IBTK: variants seen among roughly 807,000 people sequenced by gnomAD.
The protein encoded by IBTK is BTK-binding protein.
IBTK carries 83 observed loss-of-function variants against 154.9 expected under a neutral mutation model. The ratio of observed to expected loss-of-function variants is 0.54; its 90% CI spans 0.45 to 0.64. The LOEUF (loss-of-function observed/expected upper bound fraction) is 0.64. Ranked by LOEUF, IBTK falls within the 30% of genes least tolerant of loss-of-function variation. The pLI, the probability that IBTK is intolerant of heterozygous loss-of-function variation, is 0.00. For synonymous variants in IBTK, 515 were observed against 536.1 expected (o/e 0.96, Z 0.54); for missense variants, 1,332 against 1,584.6 (o/e 0.84, Z 2.71).
intron 1 of IBTK, among the ~76,000 whole-genome samples, chr6:82,241,560 C>T (rs1770953726): frequency 2.0e-5 from 3 of 152,084 alleles, no homozygotes; most frequent in Non-Finnish European, 4.4e-5. Flanking sequence ...AATATAAATT[C>T]TAGATGGTTC....
chr6:82,223,551 T>C lies in IBTK; in HGVS notation c.1013A>G (p.Lys338Arg), dbSNP rs141510269. ...APRQVSALHHKDIALSLVAAS... is the reference protein window; with the variant it reads ...APRQVSALHHRDIALSLVAAS... ...AGCAACCAAAGACAGAGCAATGTCT[T>C]TATGGTGAAGGGCAGAGACCTGACG... is the stretch of plus-strand genomic sequence containing the variant. Residue 338 changes from lysine (K) to arginine (R), a missense_variant, in exon 8 of 29, where the codon AAA becomes AGA. Physicochemically the swap from Lys to Arg is conservative, Grantham distance 26 (BLOSUM62 2). Transcript: ENST00000306270. 2.8e-4 allele frequency: 456 copies of C among 1,614,114 alleles called. 1 individual carries two copies. The African/African-American group carries it at 5.3e-3, about 19-fold the overall frequency.
chr6:82,247,734 G>A lies in IBTK; in HGVS notation c.-530C>T. 5.0e-6 allele frequency: 2 copies of A among 398,000 alleles called. No homozygotes were observed. The highest frequency in any genetic ancestry group is 8.9e-6 in the Non-Finnish European group (2 of 225,862). 24.7% of individuals were successfully genotyped at this position (398,000 alleles called of 1,614,324 possible). ...AATACAGCCGCTACTACAGGAATCG[G>A]GAACGGGGATGTAGAGGAAGGGCCC... On this transcript the variant is annotated 5_prime_UTR_variant, in exon 1 of 29. Coordinates refer to ENST00000306270, the MANE Select transcript of IBTK (RefSeq NM_015525.4).
intron 2 of IBTK, among the ~76,000 whole-genome samples, chr6:82,237,621 A>G (rs1770770237): frequency 6.7e-6 from 1 of 148,432 alleles, no homozygotes. Flanking sequence ...AGAAGATAGT[A>G]GTAGTAGTAG....
intron 2 of IBTK, among the ~76,000 whole-genome samples, chr6:82,237,045 C>T (rs6939874): frequency 0.24 from 35,779 of 151,934 alleles, 4,253 homozygotes; most frequent in African/African-American, 0.27. Context: ...GCCAAGGTGG[C>T]TAGAGTGACT....
intron 1 of IBTK, 77 bp downstream of exon 1, chr6:82,247,485 G>A (rs896686629): frequency 6.5e-5 from 26 of 398,126 alleles, no homozygotes; most frequent in Non-Finnish European, 6.2e-5. Context: ...CCCTCCAGAA[G>A]GCGAATACTC....
At chr6:82,186,864 T>A (rs1768575309) in intron 25 of IBTK, among the ~76,000 whole-genome samples, 1 of 151,096 alleles carries the variant, frequency 6.6e-6, no homozygotes, top group African/African-American at 2.4e-5. Context: ...CATGTTTTCA[T>A]AAAATAAATG....
intron 25 of IBTK, chr6:82,189,082 T>C (rs752635885): frequency 2.4e-6 from 1 of 424,930 alleles, no homozygotes; most frequent in East Asian, 7.5e-5. Context: ...GGGACCAATA[T>C]CTGACTAATG....
At chr6:82,181,803 G>A in intron 26 of IBTK, 76 bp downstream of exon 26, 4 of 1,047,526 alleles carry the variant, frequency 3.8e-6, no homozygotes, top group Non-Finnish European at 5.4e-6. Flanking sequence ...AAGTTTTAAG[G>A]ATTATTTCAG....
At chr6:82,238,149 C>A (rs1181773271) in intron 2 of IBTK, among the ~76,000 whole-genome samples, 1 of 151,850 alleles carries the variant, frequency 6.6e-6, no homozygotes, top group African/African-American at 2.4e-5. Flanking sequence ...AAGGCTGGGG[C>A]AGGAGAATCA....
chr6:82,223,564 C>T lies in IBTK; in HGVS notation c.1000G>A (p.Ala334Thr). The change falls in exon 8 of 29, where the codon GCC (alanine) becomes ACC (threonine). Residue 334 changes from alanine to threonine, a missense_variant. Around this residue, in one of 3 missense-constraint regions of IBTK, gnomAD observed 1,134 missense variants for 1,274.7 expected, o/e 0.89. Coordinates refer to ENST00000306270, the MANE Select transcript of IBTK (RefSeq NM_015525.4). ...AGAGCAATGTCTTTATGGTGAAGGG[C>T]AGAGACCTGACGAGGAGCAGTTACA... ...KCVTAPRQVS[A>T]LHHKDIALSL... The T allele has an allele frequency of 6.2e-7, 1 of 1,614,070 alleles. No homozygotes were observed.
chr6:82,219,070 C>T (rs1769975525), intron 9 of IBTK, among the ~76,000 whole-genome samples: 1 of 152,042 alleles, frequency 6.6e-6, no homozygotes, highest in South Asian at 2.1e-4. Flanking sequence ...TTTTATGTAA[C>T]CCCATTTGTT....
At chr6:82,174,539 C>A (rs1768041698) in intron 26 of IBTK, among the ~76,000 whole-genome samples, 1 of 152,098 alleles carries the variant, frequency 6.6e-6, no homozygotes, top group Non-Finnish European at 1.5e-5. Flanking sequence ...GCAGGCTGTT[C>A]TCTTCAATAA....
chr6:82,189,363 T>C (rs942439446), intron 25 of IBTK, among the ~76,000 whole-genome samples: 1 of 152,130 alleles, frequency 6.6e-6, no homozygotes, highest in Non-Finnish European at 1.5e-5. Context: ...TGGCATTGAA[T>C]AAATTCTCCA....
intron 23 of IBTK, among the ~76,000 whole-genome samples, chr6:82,193,235 A>G (rs193241004): frequency 5.9e-5 from 9 of 152,298 alleles, no homozygotes; most frequent in Non-Finnish European, 1.3e-4. Context: ...GTTTGTGTAT[A>G]TGTCAATATT....
intron 5 of IBTK, 45 bp downstream of exon 5, chr6:82,227,147 C>T: frequency 1.5e-6 from 2 of 1,308,556 alleles, no homozygotes; most frequent in Admixed American, 2.1e-5. Context: ...AGCTTATCAG[C>T]ATTTTTCTAA....
At chr6:82,182,051 T>G (rs1315534289) in intron 25 of IBTK, 23 bp from the exon 26 acceptor site, 2 of 1,580,522 alleles carry the variant, frequency 1.3e-6, no homozygotes, top group Admixed American at 4.2e-5. Context: ...GCAAAGATCA[T>G]GTTAAAACAT....
intron 16 of IBTK, among the ~76,000 whole-genome samples, chr6:82,208,818 A>T (rs1644655579): frequency 6.6e-6 from 1 of 152,198 alleles, no homozygotes; most frequent in South Asian, 2.1e-4. Flanking sequence ...AGAGAAGGAG[A>T]GAAAATACTT....
In IBTK at chr6:82,194,701, T is replaced by C. The variant is rs562764078; in HGVS notation, c.3175-59A>G. On this transcript the variant is annotated intron_variant, in intron 22 of 28. Coordinates refer to ENST00000306270, the MANE Select transcript of IBTK (RefSeq NM_015525.4). ...GGCACCTAGAACAGTAACTAACACA[T>C]AGCTGGTACTTAATAAATATTAGTT... The C allele has an allele frequency of 4.5e-6, 5 of 1,113,808 alleles. No homozygotes were observed. The East Asian group carries it at 1.1e-4, about 24-fold the overall frequency. The allele number at this position is 1,113,808 out of a possible 1,614,324, so 69.0% of individuals were successfully genotyped here. A position where few individuals can be genotyped will look rare whatever the true frequency, so the allele number is the denominator to read the frequency against.
chr6:82,237,974 TG>T (rs1446577292), intron 2 of IBTK, among the ~76,000 whole-genome samples: 17 of 152,124 alleles, frequency 1.1e-4, no homozygotes, highest in Admixed American at 2.0e-4. Flanking sequence ...CCAGACATGG[TG>T]GCTCACACCT....
Sources: allele counts gnomAD v4.1 joint callset (sites outside exome capture counted in the v4.1 genomes callset), GRCh38; gene constraint gnomAD v4.1.1; regional missense constraint gnomAD v4.1.1; transcripts MANE v1.5; gene names NCBI Gene and HGNC (gene_info 2026-07-23, HGNC 2026-07-21).